Variants in PCDHGA3 observed in about 807,000 individuals in gnomAD.
The protein encoded by PCDHGA3 is protocadherin gamma-A3.
In PCDHGA3, 40 loss-of-function variants were observed where a neutral mutation model predicts 58.5. That is an observed-to-expected ratio of 0.68 (90% CI 0.53 to 0.89). PCDHGA3 has a LOEUF of 0.89. Ranked by LOEUF, PCDHGA3 falls within the 40% of genes least tolerant of loss-of-function variation. The pLI, the probability that PCDHGA3 is intolerant of heterozygous loss-of-function variation, is 0.00. For synonymous variants in PCDHGA3, 530 were observed against 525.7 expected, an observed-to-expected ratio of 1.01 and a Z score of -0.11; for missense variants, 1,223 against 1,195.9, an observed-to-expected ratio of 1.02 and a Z score of -0.33.
rs1369821635 is a variant in PCDHGA3, at chr5:141,512,208, G to T, written c.*1035G>T. ...TTCAGTCCAAGGAAGCTCGAAGCAG[G>T]TTTAGGACCAGGTCCCCTTGAGAGG... On this transcript the variant is annotated 3_prime_UTR_variant, in exon 4 of 4. Coordinates refer to ENST00000253812, the MANE Select transcript of PCDHGA3 (RefSeq NM_018916.4). 6.5e-6 allele frequency: 1 copy of T among 152,758 alleles called. No homozygotes were observed. The highest frequency in any genetic ancestry group is 2.4e-5 in the African/African-American group (1 of 41,454). The allele number at this position is 152,758 out of a possible 1,614,324, so 9.5% of individuals were successfully genotyped here.
chr5:141,494,643 AG>A, intron 1 of PCDHGA3, 163 bp from the exon 2 acceptor site: 1 of 928,048 alleles, frequency 1.1e-6, no homozygotes, highest in Non-Finnish European at 1.3e-6. Flanking sequence ...CTGAGACCTG[AG>A]GTGTATTTTG....
rs557167321 is a variant in PCDHGA3 at position 141,352,806 on chromosome 5, A to G, written c.2424+6349A>G. 4.4e-4 allele frequency: 383 copies of G among 875,296 alleles called. No individual in the cohort carries two copies. In the East Asian group the frequency reaches 5.9e-3, roughly 14 times the overall value. 54.2% of individuals were successfully genotyped at this position (875,296 alleles called of 1,614,324 possible). A position where few individuals can be genotyped will look rare whatever the true frequency, so the allele number is the denominator to read the frequency against. On this transcript the variant is annotated intron_variant, in intron 1 of 3. Coordinates refer to ENST00000253812, the MANE Select transcript of PCDHGA3 (RefSeq NM_018916.4). ...GGAGTTTGAGACCAGCATAGCCAAG[A>G]TGGTAAAACCCGGTCTACTAAAATT...
intron 1 of PCDHGA3, among the ~76,000 whole-genome samples, chr5:141,460,508 G>C (rs1390313220): frequency 6.6e-6 from 1 of 152,040 alleles, no homozygotes; most frequent in East Asian, 1.9e-4. Context: ...TGCTGAGAAG[G>C]CTATCTTTTC....
chr5:141,417,732 C>T (rs2096153715), intron 1 of PCDHGA3: 4 of 1,390,342 alleles, frequency 2.9e-6, no homozygotes, highest in Admixed American at 2.8e-5. Context: ...AGACCTTGCC[C>T]AGCACACCAG....
rs760070878 is a variant in PCDHGA3, at chr5:141,490,862, C to T, written c.2425-3945C>T. On this transcript the variant is annotated intron_variant, in intron 1 of 3. Coordinates refer to ENST00000253812, the MANE Select transcript of PCDHGA3 (RefSeq NM_018916.4). This position sits in a 1 kb window ranked among gnomAD's most constrained non-coding sequence, Gnocchi z 5.4. ...GTGGTGGGGGTTCGAGACTCCGGCTCTCCCCCATTGCATGCCAACACATCT... is the reference window on the plus strand; with the variant it reads ...GTGGTGGGGGTTCGAGACTCCGGCTTTCCCCCATTGCATGCCAACACATCT... 2.0e-5 allele frequency: 33 copies of T among 1,613,878 alleles called. No individual in the cohort carries two copies. Among genetic ancestry groups the T allele is most frequent in the Non-Finnish European group, 2.8e-5 (33 of 1,179,920 alleles).
In PCDHGA3 at chr5:141,490,294, T is replaced by C. The variant is rs766906839; in HGVS notation, c.2425-4513T>C. ...CAATGACAATGCCCCAGAGGTGCTA[T>C]TGGCCTCTTTGGCCAACCCTGTCCT... On this transcript the variant is annotated intron_variant, in intron 1 of 3. Transcript: ENST00000253812. This position sits in a 1 kb window ranked among gnomAD's most constrained non-coding sequence, Gnocchi z 5.4. The C allele has an allele frequency of 5.6e-6, 9 of 1,614,104 alleles. No individual in the cohort carries two copies. The East Asian group carries it at 1.3e-4, about 24-fold the overall frequency.
At chr5:141,349,988 T>G in intron 1 of PCDHGA3, 1 of 314,376 alleles carries the variant, frequency 3.2e-6, no homozygotes, top group Non-Finnish European at 5.8e-6. Flanking sequence ...AGGTTGCGCT[T>G]TGAGGATAAA....
At chr5:141,417,667 C>A (rs545100460) in intron 1 of PCDHGA3, 5 of 918,744 alleles carry the variant, frequency 5.4e-6, no homozygotes, top group South Asian at 3.8e-5. Flanking sequence ...GGATTCCCTG[C>A]GCAGCCAACA....
At chr5:141,473,167 C>T (rs1360150717) in intron 1 of PCDHGA3, among the ~76,000 whole-genome samples, 2 of 152,122 alleles carry the variant, frequency 1.3e-5, no homozygotes. Flanking sequence ...TAGGAAGGCC[C>T]ACTGGTAACT....
chr5:141,455,759 A>G (rs1013283124), intron 1 of PCDHGA3, among the ~76,000 whole-genome samples: 4 of 152,300 alleles, frequency 2.6e-5, no homozygotes, highest in South Asian at 4.1e-4. Context: ...CCTGGCTCCT[A>G]GAGCCGGGGC....
Position 141,407,403 on chromosome 5 carries a change from A to G in PCDHGA3, c.2424+60946A>G, listed in dbSNP as rs964260933. 2.0e-5 allele frequency among the ~76,000 whole-genome samples: 3 copies of G among 152,220 alleles called. No individual in the cohort carries two copies. In the East Asian group the frequency reaches 5.8e-4, roughly 29 times the overall value. Reference sequence around the variant, plus strand: ...TTGTATGTCATGGTAGGTAGTTACTATTCGATACCACAAAAATGTCTCTTG... The same window carrying G: ...TTGTATGTCATGGTAGGTAGTTACTGTTCGATACCACAAAAATGTCTCTTG... On this transcript the variant is annotated intron_variant, in intron 1 of 3. Transcript: ENST00000253812.
chr5:141,366,311 ACCGTTG>A (rs1051076797), intron 1 of PCDHGA3: 10 of 1,613,648 alleles, frequency 6.2e-6, no homozygotes, highest in Non-Finnish European at 6.8e-6. Flanking sequence ...CTTCACGGTC[ACCGTTG>A]CCGTGGCCGA....
At chr5:141,389,250 A>G (rs1365678326) in intron 1 of PCDHGA3, 16 of 1,614,012 alleles carry the variant, frequency 9.9e-6, no homozygotes, top group Middle Eastern at 1.6e-4. Flanking sequence ...GTCTTCCTAT[A>G]TAGTCCACGT....
Position 141,382,943 on chromosome 5 carries a change from T to C in PCDHGA3, c.2424+36486T>C, listed in dbSNP as rs766692143. On this transcript the variant is annotated intron_variant, in intron 1 of 3. Coordinates refer to ENST00000253812, the MANE Select transcript of PCDHGA3 (RefSeq NM_018916.4). The stretch of plus-strand genomic sequence containing the variant: ...GGCGGGGACTACAGAGGATTCTTCC[T>C]GCTCTCCATCCTCCTGGGGACCCCC... 2.6e-5 allele frequency: 42 copies of C among 1,596,066 alleles called. No individual in the cohort carries two copies. Among genetic ancestry groups the C allele is most frequent in the Non-Finnish European group, 3.5e-5 (41 of 1,169,148 alleles).
At chr5:141,410,192 T>G (rs748013890) in intron 1 of PCDHGA3, 1 of 1,613,980 alleles carries the variant, frequency 6.2e-7, no homozygotes, top group Non-Finnish European at 8.5e-7. Context: ...TCATCTGGTC[T>G]TCGCAGACAA....
At chr5:141,381,475 GA>G (rs1777221405) in intron 1 of PCDHGA3, among the ~76,000 whole-genome samples, 1 of 152,226 alleles carries the variant, frequency 6.6e-6, no homozygotes, top group African/African-American at 2.4e-5. Context: ...GCTGTCTAGA[GA>G]TCCCTGTTTT....
chr5:141,354,647 C>T (rs1183360310), intron 1 of PCDHGA3, among the ~76,000 whole-genome samples: 1 of 152,198 alleles, frequency 6.6e-6, no homozygotes, highest in Non-Finnish European at 1.5e-5. Flanking sequence ...ATCCATTTTT[C>T]AAGTCCACCT....
intron 1 of PCDHGA3, among the ~76,000 whole-genome samples, chr5:141,369,150 T>C (rs1766058154): frequency 6.6e-6 from 1 of 152,222 alleles, no homozygotes; most frequent in Non-Finnish European, 1.5e-5. Flanking sequence ...TGGCATGTTA[T>C]TGACCAGGGA....
chr5:141,383,044 G>A, intron 1 of PCDHGA3: 2 of 1,613,876 alleles, frequency 1.2e-6, no homozygotes, highest in Non-Finnish European at 1.7e-6. Flanking sequence ...GGGAGACATC[G>A]CCAAGGACCT....
Sources: gnomAD v4.1 joint callset for allele counts (sites outside exome capture counted in the v4.1 genomes callset) on GRCh38, gnomAD v4.1.1 for gene constraint, Gnocchi (gnomAD v3.1) non-coding constraint, MANE v1.5 for transcripts, NCBI Gene and HGNC (gene_info 2026-07-23, HGNC 2026-07-21) for gene names.